DAB1: variants seen among roughly 807,000 people sequenced by gnomAD.
The protein encoded by DAB1 is DAB adaptor protein 1, also known as disabled homolog 1.
In DAB1, 15 loss-of-function variants were observed where a neutral mutation model predicts 64.6. That is an observed-to-expected ratio of 0.23 (90% CI 0.16 to 0.36). The LOEUF (loss-of-function observed/expected upper bound fraction) is 0.36, where lower values mean the gene tolerates loss of function less well. Among genes scored for constraint, DAB1 ranks in the 10% least tolerant of loss-of-function variants. DAB1 has a pLI of 1.00. For missense variants in DAB1, 596 were observed against 706.7 expected (o/e 0.84, Z 1.78); for synonymous variants, 235 against 251.9 (o/e 0.93, Z 0.64).
intron 1 of DAB1, among the ~76,000 whole-genome samples, chr1:57,386,327 G>T (rs932707099): frequency 7.1e-6 from 1 of 140,806 alleles, no homozygotes. Flanking sequence ...ACAATAGAAG[G>T]TCAATTTGTT....
intron 7 of DAB1, among the ~76,000 whole-genome samples, chr1:57,431,155 A>C (rs1001763123): frequency 2.0e-5 from 3 of 151,594 alleles, no homozygotes; most frequent in Non-Finnish European, 4.4e-5. Flanking sequence ...AAAAAAAAAA[A>C]AAGAAAAACA....
intron 5 of DAB1, among the ~76,000 whole-genome samples, chr1:57,967,995 G>A (rs571010815): frequency 3.9e-5 from 6 of 152,208 alleles, no homozygotes; most frequent in East Asian, 1.9e-4. Flanking sequence ...ACATAGCGCC[G>A]AACATGTAAT....
chr1:58,043,036 C>T (rs1647161973), intron 5 of DAB1, among the ~76,000 whole-genome samples: 1 of 152,098 alleles, frequency 6.6e-6, no homozygotes, highest in South Asian at 2.1e-4. Flanking sequence ...AAATTCAGCA[C>T]AAAGGAGTGT....
At chr1:57,474,373 C>T (rs971673089) in intron 7 of DAB1, among the ~76,000 whole-genome samples, 7 of 152,250 alleles carry the variant, frequency 4.6e-5, no homozygotes, top group South Asian at 4.1e-4. Context: ...AGTCCGACTC[C>T]GCTCATTCTC....
At chr1:58,308,114 C>T (rs1298076410) in intron 4 of DAB1, among the ~76,000 whole-genome samples, 1 of 152,118 alleles carries the variant, frequency 6.6e-6, no homozygotes. Flanking sequence ...AGTGAATTTT[C>T]TTCCAGGAAA....
chr1:57,805,259 A>G (rs768398329), intron 6 of DAB1, among the ~76,000 whole-genome samples: 1 of 152,218 alleles, frequency 6.6e-6, no homozygotes, highest in Non-Finnish European at 1.5e-5. Context: ...CTTAAGAAAT[A>G]TATAAGTATT....
intron 4 of DAB1, among the ~76,000 whole-genome samples, chr1:57,106,831 A>G (rs1655205672): frequency 6.6e-6 from 1 of 152,152 alleles, no homozygotes; most frequent in African/African-American, 2.4e-5. Flanking sequence ...AGACTCACAG[A>G]TTGATAGAGG....
chr1:57,984,427 C>T (rs1570164221), intron 5 of DAB1, among the ~76,000 whole-genome samples: 2 of 152,010 alleles, frequency 1.3e-5, no homozygotes, highest in East Asian at 3.9e-4. Context: ...GGAGAGGAGG[C>T]AGGCACTCTA....
chr1:57,433,797 T>C lies in DAB1; in HGVS notation n.626-142631A>G, dbSNP rs369598883. 3.7e-4 allele frequency among the ~76,000 whole-genome samples: 56 copies of C among 151,102 alleles called. 1 individual carries two copies. In the East Asian group the frequency reaches 5.2e-3, roughly 14 times the overall value. ...CAAAAAAATAAAGAAATTCTTCAAA[T>C]TAATAGTGAAAAGACAATCTAATTA... On this transcript the variant is annotated intron_variant and non_coding_transcript_variant, in intron 7 of 20. Transcript: ENST00000485760.
rs552068751 is a variant in DAB1, at chr1:57,963,766, A to T, written n.388-79604T>A. 3.4e-3 allele frequency among the ~76,000 whole-genome samples: 33 copies of T among 9,840 alleles called. No individual in the cohort carries two copies. In the South Asian group the frequency reaches 0.45, roughly 133 times the overall value. 6.5% of individuals were successfully genotyped at this position (9,840 alleles called of 152,430 possible). On this transcript the variant is annotated intron_variant and non_coding_transcript_variant, in intron 5 of 20. Coordinates refer to the DAB1 transcript ENST00000485760. ...CTACATCAGCCCCAGGGCAGCTCTC[A>T]TCTGCTCTCCACCAAACTCATATCG... is the stretch of plus-strand genomic sequence containing the variant.
intron 2 of DAB1, among the ~76,000 whole-genome samples, chr1:57,288,915 T>C (rs1672550602): frequency 6.6e-6 from 1 of 152,194 alleles, no homozygotes; most frequent in African/African-American, 2.4e-5. Flanking sequence ...TAGTGAGCCT[T>C]TGAAGTCTGT....
intron 5 of DAB1, among the ~76,000 whole-genome samples, chr1:58,111,838 A>T (rs1410647317): frequency 6.6e-6 from 1 of 152,024 alleles, no homozygotes; most frequent in African/African-American, 2.4e-5. Flanking sequence ...CTCTTACTAT[A>T]ATCCTTTCTC....
At chr1:57,121,528 A>G (rs779641117) in intron 4 of DAB1, among the ~76,000 whole-genome samples, 17 of 152,068 alleles carry the variant, frequency 1.1e-4, no homozygotes, top group Non-Finnish European at 2.4e-4. Context: ...CTTGAGAAAC[A>G]CTGCTTAATA....
At chr1:58,064,947 T>A (rs2764679) in intron 5 of DAB1, among the ~76,000 whole-genome samples, 1 of 151,802 alleles carries the variant, frequency 6.6e-6, no homozygotes, top group Non-Finnish European at 1.5e-5. Flanking sequence ...CCTGACCTCG[T>A]GATCCGCCCA....
chr1:58,379,840 C>T (rs1320318514), intron 3 of DAB1, among the ~76,000 whole-genome samples: 3 of 152,150 alleles, frequency 2.0e-5, no homozygotes, highest in Admixed American at 2.0e-4. Flanking sequence ...AAATTGTCCC[C>T]CAGTATTTTT....
intron 4 of DAB1, among the ~76,000 whole-genome samples, chr1:58,182,911 CAT>C (rs1656876201): frequency 6.6e-6 from 1 of 151,830 alleles, no homozygotes; most frequent in Non-Finnish European, 1.5e-5. Flanking sequence ...TTTTAGATAA[CAT>C]ATTATAGGAA....
chr1:57,713,679 G>T lies in DAB1; in HGVS notation n.552-64014C>A, dbSNP rs574053851. On this transcript the variant is annotated intron_variant and non_coding_transcript_variant, in intron 6 of 20. Coordinates refer to the DAB1 transcript ENST00000485760. ...GATATTCATTTTGGCAATGGCAAAG[G>T]AAAGTAAAATAGAACAAGTCAGGCC... 3.3e-5 allele frequency among the ~76,000 whole-genome samples: 5 copies of T among 152,296 alleles called. No individual in the cohort carries two copies. In the South Asian group the frequency reaches 1.0e-3, roughly 32 times the overall value.
chr1:58,334,633 T>C (rs1413211799), intron 4 of DAB1, among the ~76,000 whole-genome samples: 1 of 109,762 alleles, frequency 9.1e-6, no homozygotes, highest in Non-Finnish European at 2.0e-5. Context: ...TATTATATTA[T>C]ATCATATCAT....
intron 2 of DAB1, among the ~76,000 whole-genome samples, chr1:57,160,266 T>C (rs897354926): frequency 6.6e-6 from 1 of 152,230 alleles, no homozygotes; most frequent in Non-Finnish European, 1.5e-5. Context: ...ATATGTAAGT[T>C]CTTTTTCATT....
Sources: allele counts gnomAD v4.1 joint callset (sites outside exome capture counted in the v4.1 genomes callset), GRCh38; gene constraint gnomAD v4.1.1; transcripts MANE v1.5; gene names NCBI Gene and HGNC (gene_info 2026-07-23, HGNC 2026-07-21).